Variants in MGAM observed in about 807,000 individuals in gnomAD.
MGAM encodes the protein maltase-glucoamylase.
A neutral mutation model predicts 358.8 loss-of-function variants in MGAM; 253 were observed. The observed-to-expected ratio is 0.71, with a 90% CI of 0.64 to 0.78. The LOEUF (loss-of-function observed/expected upper bound fraction) is 0.78, where lower values mean the gene tolerates loss of function less well. Ranked by LOEUF, MGAM falls within the 30% of genes least tolerant of loss-of-function variation. MGAM has a pLI of 0.00. For missense variants in MGAM, 3,080 were observed against 3,432.6 expected (o/e 0.90, Z 2.57); for synonymous variants, 1,105 against 1,227.1 (o/e 0.90, Z 2.08).
At chr7:142,062,781 A>C in intron 35 of MGAM, 79 bp downstream of exon 35, 1 of 1,577,330 alleles carries the variant, frequency 6.3e-7, no homozygotes, top group Non-Finnish European at 8.6e-7. Context: ...ACTGACCTTC[A>C]ATCAAGAGGA....
intron 28 of MGAM, 134 bp from the exon 29 acceptor site, chr7:142,055,866 T>A: frequency 6.9e-7 from 1 of 1,457,596 alleles, no homozygotes; most frequent in Non-Finnish European, 9.3e-7. Flanking sequence ...GGCTCCTTTG[T>A]TTCATGTGTT....
rs1226689493 is a variant in MGAM at position 142,092,586 on chromosome 7, G to A, written c.7011G>A (p.Leu2337=). 6.5e-7 allele frequency: 1 copy of A among 1,544,644 alleles called. No individual in the cohort carries two copies. Among genetic ancestry groups the A allele is most frequent in the Non-Finnish European group, 8.9e-7 (1 of 1,126,420 alleles). ...CTCCAGGCTGCAGGGATGCCTCTCT[G>A]AACCACCCTCCCTACATGCCGTGTA... ...AVSPGCRDAS[L]NHPPYMPYLE... The change falls in exon 59 of 71, where the codon CTG becomes CTA. Residue 2337 remains leucine, a synonymous_variant. Coordinates refer to ENST00000475668, the MANE Select transcript of MGAM (RefSeq NM_001365693.1).
chr7:142,004,483 T>A (rs1180524568), intron 1 of MGAM: 1 of 151,944 alleles, frequency 6.6e-6, no homozygotes, highest in Non-Finnish European at 1.5e-5. Context: ...ACACGAGAGA[T>A]AAACAGTGAG....
intron 66 of MGAM, among the ~76,000 whole-genome samples, chr7:142,099,308 G>T (rs1479263550): frequency 6.6e-6 from 1 of 152,190 alleles, no homozygotes; most frequent in Non-Finnish European, 1.5e-5. Context: ...AGAACATGTA[G>T]GATGGAAGCA....
At position 142,045,508 on chromosome 7, in the gene MGAM, C is replaced by CATACAATATATGATATTATATATTAT. The variant is rs1810124056; in HGVS notation, c.2499-2274_2499-2273insCAATATATGATATTATATATTATATA. On this transcript the variant is annotated intron_variant, in intron 21 of 70. Coordinates refer to ENST00000475668, the MANE Select transcript of MGAM (RefSeq NM_001365693.1). Reference sequence around the variant, plus strand: ...ATACAATATATGATATTATATATTACATATACATATAATATATGATATAAT... The same window carrying CATACAATATATGATATTATATATTAT: ...ATACAATATATGATATTATATATTACATACAATATATGATATTATATATTATATATACATATAATATATGATATAAT... Among the ~76,000 whole-genome samples, 36 of 85,914 alleles carry CATACAATATATGATATTATATATTAT rather than the reference C, an allele frequency of 4.2e-4. 1 individual carries two copies. Among genetic ancestry groups the CATACAATATATGATATTATATATTAT allele is most frequent in the East Asian group, 8.7e-4 (3 of 3,456 alleles). The allele number at this position is 85,914 out of a possible 152,430, so 56.4% of individuals were successfully genotyped here.
chr7:142,102,922 G>A (rs76528528), intron 69 of MGAM, among the ~76,000 whole-genome samples: 2,799 of 152,264 alleles, frequency 0.018, 75 homozygotes, highest in African/African-American at 0.064. Flanking sequence ...ACAGGTGGAC[G>A]GGCAGTTTCT....
chr7:142,057,491 G>A (rs930332969), intron 30 of MGAM, among the ~76,000 whole-genome samples: 4 of 137,728 alleles, frequency 2.9e-5, no homozygotes, highest in Non-Finnish European at 6.3e-5. Context: ...TGATGTTGGT[G>A]ATAGTGGTTG....
intron 21 of MGAM, among the ~76,000 whole-genome samples, chr7:142,044,486 A>G (rs115687831): frequency 0.037 from 4,872 of 130,262 alleles, 601 homozygotes; most frequent in Middle Eastern, 0.083. Flanking sequence ...AATGTATATT[A>G]TATACACTTA....
chr7:141,999,356 G>C (rs1554449931), intron 1 of MGAM, among the ~76,000 whole-genome samples: 2 of 152,150 alleles, frequency 1.3e-5, no homozygotes, highest in Non-Finnish European at 2.9e-5. Flanking sequence ...TAATCTCACA[G>C]AAAGCCCAAG....
At chr7:142,011,690 C>T (rs1290759838) in intron 3 of MGAM, among the ~76,000 whole-genome samples, 1 of 152,120 alleles carries the variant, frequency 6.6e-6, no homozygotes, top group Admixed American at 6.6e-5. Flanking sequence ...ACTCATTAAA[C>T]GTTCGATTAA....
intron 1 of MGAM, among the ~76,000 whole-genome samples, chr7:141,999,749 C>T (rs1554450070): frequency 6.6e-6 from 1 of 152,060 alleles, no homozygotes; most frequent in African/African-American, 2.4e-5. Flanking sequence ...TTTTTAAAAG[C>T]CCTTAACCCT....
In MGAM at chr7:142,045,881, AAT is replaced by A. The variant is rs369562005; in HGVS notation, c.2499-1895_2499-1894del. On this transcript the variant is annotated intron_variant, in intron 21 of 70. Coordinates refer to ENST00000475668, the MANE Select transcript of MGAM (RefSeq NM_001365693.1). ...TATATTATATATACATACAATATGTAATATATATATTATGTATACATACAATA... is the reference window on the plus strand; with the variant it reads ...TATATTATATATACATACAATATGTAATATATATTATGTATACATACAATA... 1.4e-4 allele frequency among the ~76,000 whole-genome samples: 16 copies of A among 110,478 alleles called. 4 individuals carry two copies. The East Asian group carries it at 1.9e-3, about 13-fold the overall frequency. 72.5% of individuals were successfully genotyped at this position (110,478 alleles called of 152,430 possible).
At position 141,996,264 on chromosome 7, in the gene MGAM, G is replaced by A. The variant is rs374198505; in HGVS notation, c.-3+334G>A. On this transcript the variant is annotated intron_variant, in intron 1 of 70. Transcript: ENST00000475668. The stretch of plus-strand genomic sequence containing the variant: ...TGCAGTGAGCCGAGATCACGCCACT[G>A]CACTCCAGCCTGGGTCGTAGAGCGA... 4.4e-3 allele frequency among the ~76,000 whole-genome samples: 651 copies of A among 149,400 alleles called. 7 individuals carry two copies. The highest frequency in any genetic ancestry group is 0.016 in the African/African-American group (630 of 40,460).
chr7:142,031,638 GTTTAA>G, intron 12 of MGAM, 37 bp from the exon 13 acceptor site: 1 of 1,375,066 alleles, frequency 7.3e-7, no homozygotes, highest in South Asian at 1.2e-5. Flanking sequence ...GTCTATATTT[GTTTAA>G]TTTACTCTTA....
intron 1 of MGAM, among the ~76,000 whole-genome samples, chr7:141,998,283 GA>G (rs2128975109): frequency 6.6e-6 from 1 of 152,264 alleles, no homozygotes; most frequent in South Asian, 2.1e-4. Flanking sequence ...TACATGTGCA[GA>G]ATGTGCAGGT....
At chr7:142,053,033 A>G in intron 26 of MGAM, 49 bp downstream of exon 26, 2 of 1,572,186 alleles carry the variant, frequency 1.3e-6, no homozygotes, top group Non-Finnish European at 1.7e-6. Context: ...TTTCAGTTCC[A>G]TTACCTTTTA....
rs782068268 is a variant in MGAM at position 142,005,509 on chromosome 7, T to G, written c.-2-20T>G. Reference sequence around the variant, plus strand: ...AGTAAATCAAATTCAAATCTAAAATTGTTTTCTCTTACATTTTAGAGATGG... The same window carrying G: ...AGTAAATCAAATTCAAATCTAAAATGGTTTTCTCTTACATTTTAGAGATGG... On this transcript the variant is annotated intron_variant, in intron 1 of 70. Coordinates refer to ENST00000475668, the MANE Select transcript of MGAM (RefSeq NM_001365693.1). 7 of 1,472,726 alleles carry G rather than the reference T, an allele frequency of 4.8e-6. No homozygotes were observed. Among genetic ancestry groups the G allele is most frequent in the Middle Eastern group, 1.9e-4 (1 of 5,268 alleles). 91.2% of individuals were successfully genotyped at this position (1,472,726 alleles called of 1,614,324 possible).
chr7:141,998,840 C>A (rs181608520), intron 1 of MGAM, among the ~76,000 whole-genome samples: 3 of 152,124 alleles, frequency 2.0e-5, no homozygotes, highest in African/African-American at 7.2e-5. Context: ...ACGCTGTCTT[C>A]CACAATGCTT....
chr7:142,028,810 G>A (rs565673858), intron 10 of MGAM, among the ~76,000 whole-genome samples: 1 of 150,830 alleles, frequency 6.6e-6, no homozygotes, highest in African/African-American at 2.4e-5. Flanking sequence ...AGATAAAGAC[G>A]TTTGGGTGGA....
Sources: gnomAD v4.1 joint callset for allele counts (sites outside exome capture counted in the v4.1 genomes callset) on GRCh38, gnomAD v4.1.1 for gene constraint, MANE v1.5 for transcripts, NCBI Gene and HGNC (gene_info 2026-07-23, HGNC 2026-07-21) for gene names.